ZNF512: variants seen among roughly 807,000 people sequenced by gnomAD.
ZNF512 encodes the protein zinc finger protein 512.
In ZNF512, 25 loss-of-function variants were observed where a neutral mutation model predicts 77.5. That is an observed-to-expected ratio of 0.32 (90% CI 0.23 to 0.45). ZNF512 has a LOEUF of 0.45. Ranked by LOEUF, ZNF512 falls within the 20% of genes least tolerant of loss-of-function variation. The pLI, the probability that ZNF512 is intolerant of heterozygous loss-of-function variation, is 1.00. For synonymous variants in ZNF512, 246 were observed against 239.9 expected, an observed-to-expected ratio of 1.03 and a Z score of -0.24; for missense variants, 483 against 692.6, an observed-to-expected ratio of 0.70 and a Z score of 3.40.
chr2:27,602,518 G>A lies in ZNF512; in HGVS notation c.725G>A (p.Arg242Gln), dbSNP rs750539489. 3 of 1,613,976 alleles carry A rather than the reference G, an allele frequency of 1.9e-6. No homozygotes were observed. Among genetic ancestry groups the A allele is most frequent in the Admixed American group, 3.3e-5 (2 of 59,992 alleles). ...IDEPSERERL[R>Q]TVLKRLGKLR... ...GAGCCAAGTGAGAGGGAAAGGCTCCGAACAGTTCTAAAGAGACTGGGAAAG... is the reference window on the plus strand; with the variant it reads ...GAGCCAAGTGAGAGGGAAAGGCTCCAAACAGTTCTAAAGAGACTGGGAAAG... The change falls in exon 8 of 14, where the codon CGA becomes CAA. Residue 242 changes from arginine (R) to glutamine (Q), a missense_variant. By Grantham distance (43) the Arg-to-Gln change is conservative. Around this residue, in one of 2 missense-constraint regions of ZNF512, gnomAD observed 324 missense variants for 525.0 expected, o/e 0.62. Coordinates refer to ENST00000355467, the MANE Select transcript of ZNF512 (RefSeq NM_032434.4).
rs748012654 is a variant in ZNF512 at position 27,583,665 on chromosome 2, G to A, written c.38G>A (p.Gly13Glu). The change falls in exon 2 of 14, where the codon GGA (glycine) becomes GAA (glutamate). Residue 13 changes from glycine to glutamate, a missense_variant. Physicochemically the swap from Gly to Glu is moderately conservative, Grantham distance 98. Transcript: ENST00000355467. ...GTGCTTGTGATTTGCTAGACTTCGG[G>A]ACCCACAACCTTTAAGCAGCAGAGG... Reference protein sequence around the residue: ...SRLGAVPATSGPTTFKQQRST... With the variant: ...SRLGAVPATSEPTTFKQQRST... 1 of 1,614,054 alleles carries A rather than the reference G, an allele frequency of 6.2e-7. No homozygotes were observed. Among genetic ancestry groups the A allele is most frequent in the East Asian group, 2.2e-5 (1 of 44,898 alleles).
At position 27,610,582 on chromosome 2, in the gene ZNF512, T is replaced by TATACA. The variant is rs1558474959; in HGVS notation, c.1131+2543_1131+2544insATACA. Among the ~76,000 whole-genome samples the TATACA allele has an allele frequency of 7.5e-3, 396 of 52,782 alleles. 24 individuals carry two copies. The highest frequency in any genetic ancestry group is 0.012 in the East Asian group (16 of 1,320). The allele number at this position is 52,782 out of a possible 152,430, so 34.6% of individuals were successfully genotyped here. A position where few individuals can be genotyped will look rare whatever the true frequency, so the allele number is the denominator to read the frequency against. On this transcript the variant is annotated intron_variant, in intron 10 of 13. Transcript: ENST00000355467. ...TATATATATATATTTTTTTTTTTTT[T>TATACA]TTTTTTTTTTTTTTTTTTGAGACAG... is the stretch of plus-strand genomic sequence containing the variant.
At chr2:27,617,980 G>A (rs940758386) in intron 13 of ZNF512, among the ~76,000 whole-genome samples, 1 of 140,686 alleles carries the variant, frequency 7.1e-6, no homozygotes, top group African/African-American at 2.6e-5. Context: ...ACGGAGTCTC[G>A]CTCTGTTGCC....
At position 27,621,155 on chromosome 2, in the gene ZNF512, C is replaced by A. The variant is rs374843102; in HGVS notation, c.1398C>A (p.Asp466Glu). ...ACATTTCTATTTTGCCTCTCTAGGA[C>A]TGGTTCGTTGTAAACCCAACAACAA... ...KYHINSVHAE[D>E]WFVVNPTTTK... Residue 466 changes from aspartate to glutamate, a missense_variant and splice_region_variant, in exon 14 of 14, where the codon GAC becomes GAA. Around this residue, in one of 2 missense-constraint regions of ZNF512, gnomAD observed 324 missense variants for 525.0 expected, o/e 0.62. Transcript: ENST00000355467. The A allele has an allele frequency of 1.1e-5, 18 of 1,613,356 alleles. No individual in the cohort carries two copies. Among genetic ancestry groups the A allele is most frequent in the Non-Finnish European group, 1.5e-5 (18 of 1,179,790 alleles).
chr2:27,607,768 G>A, intron 9 of ZNF512, 77 bp from the exon 10 acceptor site: 2 of 1,382,926 alleles, frequency 1.4e-6, no homozygotes, highest in Non-Finnish European at 2.0e-6. Flanking sequence ...TTTAGAGCAG[G>A]AAGCTCAGCC....
chr2:27,599,909 G>C, intron 4 of ZNF512, 61 bp from the exon 5 acceptor site: 7 of 1,572,996 alleles, frequency 4.5e-6, no homozygotes, highest in Non-Finnish European at 6.1e-6. Context: ...GGAGGAGAGG[G>C]AAGAGATTTT....
chr2:27,606,425 C>T (rs1447189492), intron 9 of ZNF512, among the ~76,000 whole-genome samples: 1 of 151,246 alleles, frequency 6.6e-6, no homozygotes, highest in African/African-American at 2.4e-5. Context: ...TGCAGTGGTG[C>T]GATCTTGGCT....
chr2:27,616,810 T>C lies in ZNF512; in HGVS notation c.1296+486T>C, dbSNP rs377067326. Among the ~76,000 whole-genome samples the C allele has an allele frequency of 1.5e-4, 23 of 152,214 alleles. 1 individual carries two copies. Among genetic ancestry groups the C allele is most frequent in the Admixed American group, 9.8e-4 (15 of 15,288 alleles). Reference sequence around the variant, plus strand: ...TTCACCTCACTGAATCTTTTCCATGTTGACCCAGGTGTCCTACAACCTACC... The same window carrying C: ...TTCACCTCACTGAATCTTTTCCATGCTGACCCAGGTGTCCTACAACCTACC... On this transcript the variant is annotated intron_variant, in intron 12 of 13. Coordinates refer to ENST00000355467, the MANE Select transcript of ZNF512 (RefSeq NM_032434.4).
At chr2:27,617,611 A>G (rs1228843757) in intron 13 of ZNF512, 40 bp downstream of exon 13, 1 of 804,940 alleles carries the variant, frequency 1.2e-6, no homozygotes, top group Non-Finnish European at 2.3e-6. Flanking sequence ...TATGTAAGCC[A>G]CAAGAGAGGT....
chr2:27,594,732 G>A (rs1421807262), intron 2 of ZNF512, among the ~76,000 whole-genome samples: 1 of 152,198 alleles, frequency 6.6e-6, no homozygotes, highest in Non-Finnish European at 1.5e-5. Context: ...ATGGGGTGGC[G>A]GCCGGGCAGA....
intron 9 of ZNF512, among the ~76,000 whole-genome samples, chr2:27,605,656 A>G (rs1046041678): frequency 6.6e-6 from 1 of 151,898 alleles, no homozygotes; most frequent in African/African-American, 2.4e-5. Flanking sequence ...TTGTATTTAT[A>G]GTAGAGATGG....
At chr2:27,585,199 A>G (rs72852131) in intron 2 of ZNF512, among the ~76,000 whole-genome samples, 5,034 of 152,304 alleles carry the variant, frequency 0.033, 272 homozygotes, top group African/African-American at 0.12. Flanking sequence ...AGAACTACAA[A>G]TTTCTGAATG....
At chr2:27,592,574 C>G (rs1434139368) in intron 2 of ZNF512, among the ~76,000 whole-genome samples, 2 of 151,332 alleles carry the variant, frequency 1.3e-5, no homozygotes, top group Non-Finnish European at 2.9e-5. Context: ...CTTGGCCTCC[C>G]AAAGTGCTGG....
chr2:27,619,109 T>C lies in ZNF512; in HGVS notation c.1395+1538T>C, dbSNP rs141658861. ...GCATATCTTTTTTTGCTTTAGGAAG[T>C]ATTTAAAAGGTAATTATCGGCTGGG... On this transcript the variant is annotated intron_variant, in intron 13 of 13. Transcript: ENST00000355467. 8.1e-3 allele frequency among the ~76,000 whole-genome samples: 1,235 copies of C among 152,284 alleles called. 13 individuals carry two copies. Among genetic ancestry groups the C allele is most frequent in the Middle Eastern group, 0.034 (10 of 294 alleles).
intron 10 of ZNF512, among the ~76,000 whole-genome samples, chr2:27,608,904 A>G (rs1234840861): frequency 1.3e-5 from 2 of 151,516 alleles, no homozygotes; most frequent in East Asian, 3.9e-4. Flanking sequence ...AGGTCAAGAG[A>G]TCGAGACCAT....
At position 27,612,280 on chromosome 2, in the gene ZNF512, G is replaced by A. The variant is rs186496889; in HGVS notation, c.1132-2888G>A. Among the ~76,000 whole-genome samples, 26 of 152,176 alleles carry A rather than the reference G, an allele frequency of 1.7e-4. No individual in the cohort carries two copies. The East Asian group carries it at 4.4e-3, about 26-fold the overall frequency. Reference sequence around the variant, plus strand: ...GAGAAGATTTTTTACTTTATGACATGATAAGACAGGCCGTAGGCTTATCTT... The same window carrying A: ...GAGAAGATTTTTTACTTTATGACATAATAAGACAGGCCGTAGGCTTATCTT... On this transcript the variant is annotated intron_variant, in intron 10 of 13. Coordinates refer to ENST00000355467, the MANE Select transcript of ZNF512 (RefSeq NM_032434.4).
intron 9 of ZNF512, 52 bp from the exon 10 acceptor site, chr2:27,607,793 G>A (rs1672437303): frequency 1.9e-6 from 3 of 1,578,054 alleles, no homozygotes; most frequent in Admixed American, 3.4e-5. Flanking sequence ...ATCACTGGCT[G>A]TGATGGATGC....
At chr2:27,594,339 T>C (rs559554509) in intron 2 of ZNF512, among the ~76,000 whole-genome samples, 106 of 120,708 alleles carry the variant, frequency 8.8e-4, no homozygotes, top group African/African-American at 3.3e-3. Context: ...CTAAACGGGG[T>C]GGCGGCCGGG....
intron 13 of ZNF512, among the ~76,000 whole-genome samples, chr2:27,620,065 T>C (rs1345708130): frequency 6.6e-6 from 1 of 152,138 alleles, no homozygotes; most frequent in Non-Finnish European, 1.5e-5. Context: ...AAAAGTACTG[T>C]GAGCCATGTA....
Sources: allele counts gnomAD v4.1 joint callset (sites outside exome capture counted in the v4.1 genomes callset), GRCh38; gene constraint gnomAD v4.1.1; regional missense constraint gnomAD v4.1.1; transcripts MANE v1.5; gene names NCBI Gene and HGNC (gene_info 2026-07-23, HGNC 2026-07-21).